The following PIGG variants were observed in gnomAD, a reference collection of about 807,000 sequenced individuals.
The protein encoded by PIGG is phosphatidylinositol glycan anchor biosynthesis class G (EMM blood group).
In PIGG, 70 loss-of-function variants were observed where a neutral mutation model predicts 83.2. The observed-to-expected ratio is 0.84, with a 90% CI of 0.69 to 1.03. The LOEUF is 1.03. Ranked by LOEUF, PIGG falls within the 50% of genes least tolerant of loss-of-function variation. PIGG has a pLI of 0.00. For synonymous variants in PIGG, 532 were observed against 519.5 expected (o/e 1.02, Z -0.33); for missense variants, 1,257 against 1,233.6 (o/e 1.02, Z -0.28).
chr4:509,611 G>A (rs938050045), intron 5 of PIGG, among the ~76,000 whole-genome samples: 2 of 152,226 alleles, frequency 1.3e-5, no homozygotes, highest in African/African-American at 4.8e-5. Flanking sequence ...AGACGCTTTC[G>A]GGCGCTGCTC....
At chr4:518,118 C>T (rs1222227861) in intron 6 of PIGG, among the ~76,000 whole-genome samples, 1 of 152,168 alleles carries the variant, frequency 6.6e-6, no homozygotes, top group African/African-American at 2.4e-5. Context: ...GGAGGCCCCA[C>T]CGAGCACCAG....
At chr4:534,146 G>C (rs943885351) in intron 12 of PIGG, among the ~76,000 whole-genome samples, 165 bp downstream of exon 12, 13 of 152,258 alleles carry the variant, frequency 8.5e-5, no homozygotes, top group Non-Finnish European at 1.9e-4. Context: ...TCAAGGGCCA[G>C]AAGCCGGCCT....
chr4:523,412 T>C, intron 8 of PIGG, 47 bp from the exon 9 acceptor site: 1 of 1,325,664 alleles, frequency 7.5e-7, no homozygotes. Flanking sequence ...GCAAGATGTG[T>C]GTCGTTATCA....
At chr4:508,268 G>A (rs1320296184) in intron 4 of PIGG, among the ~76,000 whole-genome samples, 5 of 152,218 alleles carry the variant, frequency 3.3e-5, no homozygotes, top group East Asian at 1.9e-4. Flanking sequence ...GCAGAGACTT[G>A]AAGGGAGGGA....
In PIGG at chr4:500,485, T is replaced by C. The variant is rs551114887; in HGVS notation, c.244T>C (p.Phe82Leu). ...LIDALRDDFV[F>L]GSKGVKFMPY... ...AGATGCCTTGAGAGATGATTTTGTG[T>C]TTGGGTCAAAGGGTGTGAAATTTAT... The change falls in exon 2 of 13, where the codon TTT (phenylalanine) becomes CTT (leucine). Residue 82 changes from phenylalanine (F) to leucine (L), a missense_variant. Transcript: ENST00000453061. 5 of 1,613,460 alleles carry C rather than the reference T, an allele frequency of 3.1e-6. No homozygotes were observed. Among genetic ancestry groups the C allele is most frequent in the African/African-American group, 1.3e-5 (1 of 74,966 alleles).
intron 5 of PIGG, among the ~76,000 whole-genome samples, chr4:512,223 T>G (rs1003966132): frequency 5.7e-4 from 83 of 145,636 alleles, no homozygotes; most frequent in African/African-American, 2.1e-3. Context: ...ATACTTTTTT[T>G]TTTTTTTTTT....
In PIGG at chr4:499,238, T is replaced by C; in HGVS notation, c.-98T>C. On this transcript the variant is annotated 5_prime_UTR_variant, in exon 1 of 13. Transcript: ENST00000453061. ...GTCGCTGCGACGATAAGGCCTGGCG[T>C]TATTGCTTAGAGGCGGCTACCTGGA... 1 of 1,337,648 alleles carries C rather than the reference T, an allele frequency of 7.5e-7. No individual in the cohort carries two copies. Among genetic ancestry groups the C allele is most frequent in the Non-Finnish European group, 1.0e-6 (1 of 970,686 alleles). 82.9% of individuals were successfully genotyped at this position (1,337,648 alleles called of 1,614,324 possible). A position where few individuals can be genotyped will look rare whatever the true frequency, so the allele number is the denominator to read the frequency against.
intron 11 of PIGG, 92 bp from the exon 12 acceptor site, chr4:533,726 C>G: frequency 8.1e-7 from 1 of 1,229,694 alleles, no homozygotes; most frequent in Non-Finnish European, 1.2e-6. Context: ...GCTGCCTACA[C>G]AGTTCACGCT....
chr4:508,731 ACT>A (rs1449398524), intron 4 of PIGG, 96 bp from the exon 5 acceptor site: 3 of 1,058,858 alleles, frequency 2.8e-6, no homozygotes, highest in Non-Finnish European at 4.3e-6. Context: ...AAGAGCTACA[ACT>A]CTATAAAGTA....
intron 6 of PIGG, among the ~76,000 whole-genome samples, chr4:518,221 A>G (rs1724563135): frequency 6.6e-6 from 1 of 152,242 alleles, no homozygotes; most frequent in African/African-American, 2.4e-5. Flanking sequence ...TTTTTAAAAA[A>G]TAGTATGAGT....
intron 12 of PIGG, among the ~76,000 whole-genome samples, chr4:535,355 G>C (rs1438531643): frequency 9.0e-6 from 1 of 110,566 alleles, no homozygotes; most frequent in Non-Finnish European, 1.8e-5. Context: ...CTCCACGCTT[G>C]TCCCTGCTGC....
chr4:533,387 G>C (rs11931543), intron 11 of PIGG: 31,700 of 169,844 alleles, frequency 0.19, 3,782 homozygotes, highest in African/African-American at 0.35. Context: ...CCAGCTCCCC[G>C]CTTGGCTGGG....
At chr4:513,313 G>A (rs1463927467) in intron 5 of PIGG, among the ~76,000 whole-genome samples, 2 of 152,226 alleles carry the variant, frequency 1.3e-5, no homozygotes, top group South Asian at 4.1e-4. Flanking sequence ...GGAAATTTTT[G>A]TTTTGTTATG....
chr4:538,815 TGTG>T (rs1310711279), intron 12 of PIGG, among the ~76,000 whole-genome samples: 1 of 152,206 alleles, frequency 6.6e-6, no homozygotes, highest in Non-Finnish European at 1.5e-5. Context: ...TCAAGGTGTG[TGTG>T]GGGGGGGACA....
chr4:520,043 C>T (rs1234492242), intron 6 of PIGG, among the ~76,000 whole-genome samples: 1 of 152,140 alleles, frequency 6.6e-6, no homozygotes, highest in African/African-American at 2.4e-5. Flanking sequence ...GGCCTGCAGG[C>T]GTATGAGTTC....
intron 6 of PIGG, among the ~76,000 whole-genome samples, chr4:517,478 T>C (rs1018950004): frequency 6.6e-6 from 1 of 152,158 alleles, no homozygotes; most frequent in Non-Finnish European, 1.5e-5. Context: ...GGAACAGTTC[T>C]GCAAGGCAGG....
intron 2 of PIGG, among the ~76,000 whole-genome samples, chr4:505,279 C>G (rs1405165660): frequency 4.0e-5 from 6 of 151,856 alleles, no homozygotes; most frequent in Non-Finnish European, 7.4e-5. Context: ...ATCTTTGTTA[C>G]TATTGAGTTT....
At chr4:516,723 G>A (rs559784700) in intron 6 of PIGG, among the ~76,000 whole-genome samples, 280 of 152,182 alleles carry the variant, frequency 1.8e-3, no homozygotes, top group African/African-American at 6.6e-3. Context: ...AGGCATGGTG[G>A]CGGGCACCTG....
intron 4 of PIGG, among the ~76,000 whole-genome samples, chr4:507,919 G>C (rs538760294): frequency 1.3e-5 from 2 of 151,730 alleles, no homozygotes; most frequent in African/African-American, 4.8e-5. Flanking sequence ...GTCACTTTCT[G>C]TTCTGTGTCA....
Sources: allele counts gnomAD v4.1 joint callset (sites outside exome capture counted in the v4.1 genomes callset), GRCh38; gene constraint gnomAD v4.1.1; transcripts MANE v1.5; gene names NCBI Gene and HGNC (gene_info 2026-07-23, HGNC 2026-07-21).